The following KCNJ6 variants were observed in gnomAD, a reference collection of about 807,000 sequenced individuals.
KCNJ6 encodes potassium inwardly rectifying channel subfamily J member 6, also known as G protein-activated inward rectifier potassium channel 2.
KCNJ6 carries 9 observed loss-of-function variants against 34.2 expected under a neutral mutation model. That is an observed-to-expected ratio of 0.26 (90% CI 0.16 to 0.46). The LOEUF is 0.46. Ranked by LOEUF, KCNJ6 falls within the 20% of genes least tolerant of loss-of-function variation. The probability of loss-of-function intolerance (pLI) is 1.00; values close to 1 mark genes in which losing one functional copy is unlikely to be tolerated. For missense variants in KCNJ6, 236 were observed against 531.3 expected (o/e 0.44, Z 5.46); for synonymous variants, 196 against 207.1 (o/e 0.95, Z 0.46).
intron 2 of KCNJ6, among the ~76,000 whole-genome samples, chr21:37,780,503 T>G (rs140489457): frequency 7.9e-5 from 12 of 152,028 alleles, no homozygotes; most frequent in Admixed American, 2.0e-4. Flanking sequence ...GGTTCATCAG[T>G]ATTGTTACAA....
At chr21:37,634,978 A>C (rs1221081115) in intron 3 of KCNJ6, among the ~76,000 whole-genome samples, 2 of 151,994 alleles carry the variant, frequency 1.3e-5, no homozygotes, top group Admixed American at 1.3e-4. Flanking sequence ...GCTGGTCTCG[A>C]ACTCCTGGCC....
At chr21:37,785,869 G>T (rs1271402487) in intron 2 of KCNJ6, among the ~76,000 whole-genome samples, 2 of 152,198 alleles carry the variant, frequency 1.3e-5, no homozygotes, top group Non-Finnish European at 1.5e-5. Context: ...TATAAGATAG[G>T]CTCAAGGGAG....
At chr21:37,890,198 C>T (rs1351193400) in intron 1 of KCNJ6, among the ~76,000 whole-genome samples, 2 of 152,182 alleles carry the variant, frequency 1.3e-5, no homozygotes, top group Non-Finnish European at 2.9e-5. Flanking sequence ...AGGAAGCAAG[C>T]ACATCCTTCT....
At chr21:37,633,928 C>CA (rs56360366) in intron 3 of KCNJ6, among the ~76,000 whole-genome samples, 79,613 of 149,680 alleles carry the variant, frequency 0.53, 21,401 homozygotes, top group East Asian at 0.79. Flanking sequence ...TTCTTAAAGT[C>CA]AAAAAAAAAA....
chr21:37,758,780 G>A (rs1357130024), intron 2 of KCNJ6, among the ~76,000 whole-genome samples: 1 of 152,026 alleles, frequency 6.6e-6, no homozygotes, highest in Non-Finnish European at 1.5e-5. Context: ...ACAGGTACAT[G>A]CCACCATGCC....
chr21:37,691,580 C>G (rs529997571), intron 3 of KCNJ6, among the ~76,000 whole-genome samples: 1 of 152,302 alleles, frequency 6.6e-6, no homozygotes, highest in East Asian at 1.9e-4. Flanking sequence ...CTTCCTGATT[C>G]ACAGTTTGGC....
intron 2 of KCNJ6, among the ~76,000 whole-genome samples, chr21:37,722,276 T>C (rs1453966188): frequency 6.6e-6 from 1 of 152,132 alleles, no homozygotes; most frequent in Non-Finnish European, 1.5e-5. Flanking sequence ...TACAAAACAC[T>C]GTGGAAAGAA....
At chr21:37,795,261 G>A (rs1361885111) in intron 2 of KCNJ6, among the ~76,000 whole-genome samples, 1 of 152,180 alleles carries the variant, frequency 6.6e-6, no homozygotes, top group Non-Finnish European at 1.5e-5. Context: ...CTGTGTTTTA[G>A]AAGATTGATT....
intron 2 of KCNJ6, among the ~76,000 whole-genome samples, chr21:37,772,611 G>A (rs1019255304): frequency 2.6e-5 from 4 of 152,164 alleles, no homozygotes; most frequent in African/African-American, 9.7e-5. Context: ...TGGGTAGAAT[G>A]TCTTATGATT....
chr21:37,787,409 C>T (rs977135158), intron 2 of KCNJ6, among the ~76,000 whole-genome samples: 3 of 152,302 alleles, frequency 2.0e-5, no homozygotes, highest in Middle Eastern at 3.4e-3. Context: ...AGGGGTCATA[C>T]TCACTCTTCT....
At chr21:37,914,006 G>GGGGTGTGT (rs2055880101) in intron 1 of KCNJ6, among the ~76,000 whole-genome samples, 1 of 79,632 alleles carries the variant, frequency 1.3e-5, no homozygotes, top group Non-Finnish European at 2.6e-5. Context: ...GAGGCGGATC[G>GGGGTGTGT]GGGTGTGTGT....
intron 3 of KCNJ6, among the ~76,000 whole-genome samples, chr21:37,639,632 C>T (rs2054372481): frequency 1.3e-5 from 2 of 152,230 alleles, no homozygotes; most frequent in South Asian, 4.1e-4. Context: ...CCATCCTAAA[C>T]TCCTTCTGCC....
At chr21:37,713,893 A>C (rs1029454794) in intron 3 of KCNJ6, among the ~76,000 whole-genome samples, 1 of 152,242 alleles carries the variant, frequency 6.6e-6, no homozygotes, top group Non-Finnish European at 1.5e-5. Context: ...GCAATGTTTT[A>C]AGGCCATTTA....
intron 3 of KCNJ6, among the ~76,000 whole-genome samples, chr21:37,666,217 G>A (rs1255692046): frequency 1.3e-5 from 2 of 152,190 alleles, no homozygotes; most frequent in Non-Finnish European, 2.9e-5. Context: ...GAATGGCAAG[G>A]TCAGCTTCTA....
intron 2 of KCNJ6, among the ~76,000 whole-genome samples, chr21:37,750,499 A>G (rs151087069): frequency 0.074 from 11,251 of 152,264 alleles, 447 homozygotes; most frequent in African/African-American, 0.093. Flanking sequence ...TCAATGATAG[A>G]CCGGATAAAG....
intron 2 of KCNJ6, among the ~76,000 whole-genome samples, chr21:37,809,634 A>C (rs530245791): frequency 4.7e-4 from 72 of 152,332 alleles, no homozygotes; most frequent in Non-Finnish European, 9.4e-4. Context: ...GCAATATAGA[A>C]AAAATATAAA....
At chr21:37,906,495 G>C (rs909226212) in intron 1 of KCNJ6, among the ~76,000 whole-genome samples, 1 of 152,238 alleles carries the variant, frequency 6.6e-6, no homozygotes. Context: ...CCCTGGAGGG[G>C]ATGGGCAGAT....
At chr21:37,778,045 T>C in intron 2 of KCNJ6, among the ~76,000 whole-genome samples, 1 of 152,166 alleles carries the variant, frequency 6.6e-6, no homozygotes, top group African/African-American at 2.4e-5. Flanking sequence ...TGGGAGCAGA[T>C]GTTTGACAAG....
intron 3 of KCNJ6, among the ~76,000 whole-genome samples, chr21:37,702,682 A>G (rs1008379434): frequency 2.0e-5 from 3 of 152,198 alleles, no homozygotes; most frequent in Non-Finnish European, 4.4e-5. Context: ...AATTAAAGAC[A>G]AGGGCTGAAG....
Sources: allele counts gnomAD v4.1 joint callset (sites outside exome capture counted in the v4.1 genomes callset), GRCh38; gene constraint gnomAD v4.1.1; transcripts MANE v1.5; gene names NCBI Gene and HGNC (gene_info 2026-07-23, HGNC 2026-07-21).